PCNX2: variants seen among roughly 807,000 people sequenced by gnomAD.
PCNX2 encodes pecanex-like protein 2.
In PCNX2, 168 loss-of-function variants were observed where a neutral mutation model predicts 223.8. The ratio of observed to expected loss-of-function variants is 0.75; its 90% CI spans 0.66 to 0.85. PCNX2 has a LOEUF of 0.85. Ranked by LOEUF, PCNX2 falls within the 40% of genes least tolerant of loss-of-function variation. PCNX2 has a pLI of 0.00. For synonymous variants in PCNX2, 1,006 were observed against 1,052.6 expected (o/e 0.96, Z 0.86); for missense variants, 2,507 against 2,675.5 (o/e 0.94, Z 1.39).
intron 15 of PCNX2, among the ~76,000 whole-genome samples, chr1:233,194,207 T>C (rs1680584962): frequency 2.0e-5 from 3 of 152,152 alleles, no homozygotes; most frequent in Admixed American, 2.0e-4. Flanking sequence ...GGCAGATTTT[T>C]TTATCAGAAA....
At chr1:233,013,352 GC>G (rs1670538603) in intron 28 of PCNX2, among the ~76,000 whole-genome samples, 1 of 152,130 alleles carries the variant, frequency 6.6e-6, no homozygotes, top group Non-Finnish European at 1.5e-5. Flanking sequence ...AATGAAAAGC[GC>G]TGCCAGCCAC....
chr1:233,184,379 A>G (rs560606259), intron 15 of PCNX2, among the ~76,000 whole-genome samples: 2 of 152,098 alleles, frequency 1.3e-5, no homozygotes, highest in African/African-American at 2.4e-5. Flanking sequence ...ACCTTTCTTA[A>G]TGAGATTTAA....
intron 10 of PCNX2, among the ~76,000 whole-genome samples, chr1:233,219,345 A>G (rs929278620): frequency 3.3e-5 from 5 of 152,114 alleles, no homozygotes; most frequent in African/African-American, 1.2e-4. Context: ...AGACAGGATT[A>G]TAATGTCAGA....
At chr1:233,213,674 A>C (rs1035302584) in intron 12 of PCNX2, among the ~76,000 whole-genome samples, 1 of 152,224 alleles carries the variant, frequency 6.6e-6, no homozygotes, top group Non-Finnish European at 1.5e-5. Flanking sequence ...ATGCATAACA[A>C]GCTGTAGCCC....
Position 232,986,170 on chromosome 1 carries a change from A to G in PCNX2, c.6162T>C (p.Asn2054=). Residue 2054 remains asparagine, a synonymous_variant, in exon 33 of 34, where the codon AAT becomes AAC. Coordinates refer to ENST00000258229, the MANE Select transcript of PCNX2 (RefSeq NM_014801.4). ...ISGLSAAEGG[N]TSDTQSSSSV... is the part of the protein sequence containing the mutation. Reference sequence around the variant, plus strand: ...TGCTGGATGACTGGGTGTCACTGGTATTGCCCCCCTCCGCAGCAGAGAGTC... The same window carrying G: ...TGCTGGATGACTGGGTGTCACTGGTGTTGCCCCCCTCCGCAGCAGAGAGTC... 3 of 1,566,356 alleles carry G rather than the reference A, an allele frequency of 1.9e-6. No homozygotes were observed. The highest frequency in any genetic ancestry group is 2.6e-6 in the Non-Finnish European group (3 of 1,154,834).
chr1:233,108,010 T>C (rs924731385), intron 21 of PCNX2, among the ~76,000 whole-genome samples: 1 of 152,164 alleles, frequency 6.6e-6, no homozygotes, highest in East Asian at 1.9e-4. Context: ...ACCAGCGCCG[T>C]GACAGTTTAC....
intron 21 of PCNX2, among the ~76,000 whole-genome samples, chr1:233,129,114 G>A (rs375404882): frequency 1.3e-5 from 2 of 152,388 alleles, no homozygotes; most frequent in South Asian, 2.1e-4. Flanking sequence ...CTTGCCAGGA[G>A]GTGTGGAGGG....
chr1:233,084,971 C>T (rs1478787933), intron 23 of PCNX2, among the ~76,000 whole-genome samples: 2 of 152,180 alleles, frequency 1.3e-5, no homozygotes, highest in African/African-American at 2.4e-5. Flanking sequence ...GTTCTCACCC[C>T]AGCAAACGTG....
chr1:233,238,255 G>C (rs146045971), intron 8 of PCNX2, among the ~76,000 whole-genome samples: 1 of 152,046 alleles, frequency 6.6e-6, no homozygotes, highest in Non-Finnish European at 1.5e-5. Flanking sequence ...AGATGCTACA[G>C]TAACAAAATT....
intron 8 of PCNX2, among the ~76,000 whole-genome samples, chr1:233,244,475 T>C (rs1658982253): frequency 6.6e-6 from 1 of 151,862 alleles, no homozygotes; most frequent in South Asian, 2.1e-4. Flanking sequence ...TTTGGGAAGG[T>C]GAGGAGGGCA....
intron 17 of PCNX2, among the ~76,000 whole-genome samples, chr1:233,173,804 C>T (rs185763818): frequency 2.0e-4 from 31 of 152,044 alleles, no homozygotes; most frequent in African/African-American, 7.2e-4. Context: ...TCAATTCAGA[C>T]ATTTTGTTGG....
Position 233,295,315 on chromosome 1 carries a change from TC to T in PCNX2, c.153+10del. The T allele has an allele frequency of 6.4e-7, 1 of 1,573,958 alleles. No homozygotes were observed. The highest frequency in any genetic ancestry group is 8.6e-7 in the Non-Finnish European group (1 of 1,159,642). ...CCCACAGCTCCCCGGGACCGGACCC[TC>T]CCCACTCACCAGGTGCAGGGCCAGG... On this transcript the variant is annotated intron_variant, in intron 1 of 33. Coordinates refer to ENST00000258229, the MANE Select transcript of PCNX2 (RefSeq NM_014801.4). This position sits in a 1 kb window ranked among gnomAD's most constrained non-coding sequence, Gnocchi z 4.1.
chr1:233,210,914 C>T (rs1032994006), intron 12 of PCNX2, among the ~76,000 whole-genome samples: 3 of 152,284 alleles, frequency 2.0e-5, no homozygotes, highest in South Asian at 2.1e-4. Flanking sequence ...CTCCATAAGC[C>T]GTCTCATCAC....
chr1:233,145,618 T>G (rs954676574), intron 19 of PCNX2, among the ~76,000 whole-genome samples: 1 of 152,080 alleles, frequency 6.6e-6, no homozygotes, highest in Non-Finnish European at 1.5e-5. Context: ...TCAGGCCCCT[T>G]TGAGCCCCCT....
At chr1:233,207,325 A>G (rs1479951552) in intron 13 of PCNX2, among the ~76,000 whole-genome samples, 1 of 152,172 alleles carries the variant, frequency 6.6e-6, no homozygotes, top group African/African-American at 2.4e-5. Flanking sequence ...TGTGGGACCA[A>G]AGGCTTTGAC....
At chr1:233,293,310 A>C (rs1490942922) in intron 1 of PCNX2, among the ~76,000 whole-genome samples, 1 of 152,234 alleles carries the variant, frequency 6.6e-6, no homozygotes, top group Non-Finnish European at 1.5e-5. Flanking sequence ...AGTGAGGTAG[A>C]CTATTTAATG....
chr1:233,122,073 TACACACAC>T (rs3033285), intron 21 of PCNX2, among the ~76,000 whole-genome samples: 4 of 131,480 alleles, frequency 3.0e-5, no homozygotes, highest in Admixed American at 7.7e-5. Context: ...AGTTAGAAAG[TACACACAC>T]ACACACACAC....
intron 1 of PCNX2, among the ~76,000 whole-genome samples, chr1:233,288,246 T>C (rs1009838464): frequency 6.6e-5 from 10 of 152,158 alleles, no homozygotes; most frequent in African/African-American, 2.4e-4. Context: ...GTGAATTAGA[T>C]TGTTCAATTA....
rs1467419175 is a variant in PCNX2, at chr1:233,000,349, C to T, written c.5284G>A (p.Val1762Ile). Reference sequence around the variant, plus strand: ...AGGAAGCTTCTGTGGAGCATGATGACCTTGTACTCGTCGGCACCCTCGTCC... The same window carrying T: ...AGGAAGCTTCTGTGGAGCATGATGATCTTGTACTCGTCGGCACCCTCGTCC... Reference protein sequence around the residue: ...VVDEGADEYKVIMLHRSFLSF... With the variant: ...VVDEGADEYKIIMLHRSFLSF... Residue 1762 changes from valine (V) to isoleucine (I), a missense_variant, in exon 30 of 34, where the codon GTC becomes ATC. Transcript: ENST00000258229. The surrounding 1 kb of genome is among the most constrained non-coding windows in gnomAD (Gnocchi z 4.6). 2 of 1,613,812 alleles carry T rather than the reference C, an allele frequency of 1.2e-6. No homozygotes were observed. Among genetic ancestry groups the T allele is most frequent in the Non-Finnish European group, 1.7e-6 (2 of 1,179,864 alleles).
Sources: allele counts gnomAD v4.1 joint callset (sites outside exome capture counted in the v4.1 genomes callset), GRCh38; gene constraint gnomAD v4.1.1; non-coding constraint Gnocchi (gnomAD v3.1); transcripts MANE v1.5; gene names NCBI Gene and HGNC (gene_info 2026-07-23, HGNC 2026-07-21).